The following GPC6 variants were observed in gnomAD, a reference collection of about 807,000 sequenced individuals.
The protein encoded by GPC6 is glypican 6.
Under a neutral mutation model 55.2 loss-of-function variants are expected in GPC6, and 14 were observed. That is an observed-to-expected ratio of 0.25 (90% confidence interval 0.17 to 0.40). The LOEUF (loss-of-function observed/expected upper bound fraction) is 0.40, where lower values mean the gene tolerates loss of function less well. Among genes scored for constraint, GPC6 ranks in the 10% least tolerant of loss-of-function variants. The probability of loss-of-function intolerance (pLI) is 1.00; values close to 1 mark genes in which losing one functional copy is unlikely to be tolerated. For synonymous variants in GPC6, 278 were observed against 259.6 expected (o/e 1.07, Z -0.68); for missense variants, 641 against 708.5 (o/e 0.90, Z 1.08).
intron 3 of GPC6, among the ~76,000 whole-genome samples, chr13:93,906,372 A>G (rs1876671682): frequency 6.6e-6 from 1 of 152,134 alleles, no homozygotes; most frequent in Non-Finnish European, 1.5e-5. Context: ...CACTGCATAT[A>G]CTGAACAGCT....
intron 2 of GPC6, among the ~76,000 whole-genome samples, chr13:93,706,683 A>G (rs945499652): frequency 6.6e-6 from 1 of 151,904 alleles, no homozygotes; most frequent in East Asian, 1.9e-4. Context: ...AAATTTAAAG[A>G]ACCCAGGAGT....
intron 2 of GPC6, among the ~76,000 whole-genome samples, chr13:93,751,243 G>T (rs1452555241): frequency 6.6e-6 from 1 of 152,110 alleles, no homozygotes; most frequent in African/African-American, 2.4e-5. Flanking sequence ...GCAGACTCAG[G>T]TTTTCTCCTC....
intron 2 of GPC6, among the ~76,000 whole-genome samples, chr13:93,816,339 T>C: frequency 6.6e-6 from 1 of 152,178 alleles, no homozygotes; most frequent in East Asian, 1.9e-4. Context: ...GGACTATTAT[T>C]TTATAGACAG....
chr13:93,216,821 C>T, the GPC6 span, among the ~76,000 whole-genome samples: 1 of 152,156 alleles, frequency 6.6e-6, no homozygotes, highest in East Asian at 1.9e-4. Flanking sequence ...TTTTCTCCTA[C>T]TGAGTAGAAG....
chr13:94,230,707 C>CA (rs1479411947), intron 4 of GPC6, among the ~76,000 whole-genome samples: 1 of 152,100 alleles, frequency 6.6e-6, no homozygotes, highest in Admixed American at 6.5e-5. Context: ...GAGAGTGTTG[C>CA]AAAAAATGTA....
chr13:94,066,963 A>G (rs1884537651), intron 4 of GPC6, among the ~76,000 whole-genome samples: 1 of 152,204 alleles, frequency 6.6e-6, no homozygotes, highest in Admixed American at 6.5e-5. Context: ...TTTTCTATGA[A>G]TATGTGTTGG....
chr13:93,635,146 T>C (rs1879639444), intron 2 of GPC6, among the ~76,000 whole-genome samples: 1 of 152,140 alleles, frequency 6.6e-6, no homozygotes, highest in South Asian at 2.1e-4. Flanking sequence ...ACAGCTTTTT[T>C]TTTTTTACTT....
intron 3 of GPC6, among the ~76,000 whole-genome samples, chr13:93,887,686 C>T (rs1435236866): frequency 6.6e-6 from 1 of 152,016 alleles, no homozygotes; most frequent in Non-Finnish European, 1.5e-5. Flanking sequence ...TTAGTGACTT[C>T]GTGCCATGAT....
rs974251515 is a variant in GPC6 at position 93,289,593 on chromosome 13, T to C, written c.160+61977T>C. Among the ~76,000 whole-genome samples the C allele has an allele frequency of 5.3e-5, 8 of 152,300 alleles. 1 individual carries two copies. The South Asian group carries it at 1.7e-3, about 32-fold the overall frequency. On this transcript the variant is annotated intron_variant, in intron 1 of 8. Transcript: ENST00000377047. ...AATATATGTATATCTTCATATCCACTTATAGACAAAGATATATGTATAGGG... is the reference window on the plus strand; with the variant it reads ...AATATATGTATATCTTCATATCCACCTATAGACAAAGATATATGTATAGGG...
chr13:93,598,618 A>C (rs558899355), intron 2 of GPC6, among the ~76,000 whole-genome samples: 1 of 152,320 alleles, frequency 6.6e-6, no homozygotes, highest in African/African-American at 2.4e-5. Context: ...GGCATTATTA[A>C]ACCTACTTTT....
intron 5 of GPC6, among the ~76,000 whole-genome samples, chr13:94,290,734 TTAAAAATTCTTCAA>T (rs767600328): frequency 7.2e-5 from 11 of 152,206 alleles, no homozygotes; most frequent in Non-Finnish European, 1.5e-4. Context: ...AGGTCAAGTA[TTAAAAATTCTTCAA>T]GAGATCAGAT....
chr13:93,683,961 G>T (rs1411679398), intron 2 of GPC6, among the ~76,000 whole-genome samples: 1 of 152,078 alleles, frequency 6.6e-6, no homozygotes, highest in Non-Finnish European at 1.5e-5. Context: ...TCATGTGGCA[G>T]AAAGCAGACA....
At chr13:94,027,424 G>A (rs1882942949) in intron 3 of GPC6, among the ~76,000 whole-genome samples, 1 of 152,022 alleles carries the variant, frequency 6.6e-6, no homozygotes, top group South Asian at 2.1e-4. Flanking sequence ...CGTTTTTATG[G>A]GGCTTTTAAC....
chr13:93,492,872 C>T (rs991539101), intron 1 of GPC6, among the ~76,000 whole-genome samples: 1 of 146,974 alleles, frequency 6.8e-6, no homozygotes, highest in Non-Finnish European at 1.5e-5. Context: ...GGGATGAAGC[C>T]CACTTGATCA....
intron 1 of GPC6, among the ~76,000 whole-genome samples, chr13:93,492,471 G>C (rs1207589343): frequency 6.6e-6 from 1 of 150,828 alleles, no homozygotes; most frequent in Non-Finnish European, 1.5e-5. Flanking sequence ...CTGCAAACAG[G>C]GACAATTTGA....
chr13:93,891,230 GA>G (rs1430932462), intron 3 of GPC6, among the ~76,000 whole-genome samples: 1 of 152,050 alleles, frequency 6.6e-6, no homozygotes, highest in Admixed American at 6.6e-5. Flanking sequence ...AAAGACATCA[GA>G]AAAAAGCAAA....
intron 1 of GPC6, among the ~76,000 whole-genome samples, chr13:93,334,513 A>C (rs952495565): frequency 6.6e-6 from 1 of 152,082 alleles, no homozygotes; most frequent in Non-Finnish European, 1.5e-5. Context: ...CCCAGACTGG[A>C]GTGCAGTGGT....
intron 4 of GPC6, among the ~76,000 whole-genome samples, chr13:94,052,740 C>T (rs954159656): frequency 6.6e-6 from 1 of 152,104 alleles, no homozygotes; most frequent in Non-Finnish European, 1.5e-5. Flanking sequence ...TTCTTGGGGG[C>T]CTGCCTTAGC....
intron 3 of GPC6, among the ~76,000 whole-genome samples, chr13:93,899,177 C>T (rs897337243): frequency 1.3e-5 from 2 of 151,722 alleles, no homozygotes; most frequent in African/African-American, 4.8e-5. Flanking sequence ...TCATTCAACA[C>T]ATAATCTTGA....
Sources: gnomAD v4.1 joint callset for allele counts (sites outside exome capture counted in the v4.1 genomes callset) on GRCh38, gnomAD v4.1.1 for gene constraint, MANE v1.5 for transcripts, NCBI Gene and HGNC (gene_info 2026-07-23, HGNC 2026-07-21) for gene names.